RFX1: variants seen among roughly 807,000 people sequenced by gnomAD.
RFX1 encodes MHC class II regulatory factor RFX1.
RFX1 carries 42 observed loss-of-function variants against 119.6 expected under a neutral mutation model. The ratio of observed to expected loss-of-function variants is 0.35; its 90% confidence interval spans 0.27 to 0.45. The LOEUF is 0.45. Ranked by LOEUF, RFX1 falls within the 20% of genes least tolerant of loss-of-function variation. The pLI is 1.00. For missense variants in RFX1, 1,118 were observed against 1,368.1 expected (o/e 0.82, Z 2.88); for synonymous variants, 628 against 618.5 (o/e 1.02, Z -0.23).
In RFX1 at chr19:13,980,795, C is replaced by T; in HGVS notation, c.622-106G>A. The T allele has an allele frequency of 1.5e-6, 1 of 645,686 alleles. No homozygotes were observed. 40.0% of individuals were successfully genotyped at this position (645,686 alleles called of 1,614,324 possible). A position where few individuals can be genotyped will look rare whatever the true frequency, so the allele number is the denominator to read the frequency against. ...CAGGAGAGCTGTCTGGGGAGGGCGG[C>T]AGTCTGTGGGGACCTATCCCAACCA... On this transcript the variant is annotated intron_variant, in intron 5 of 20. Transcript: ENST00000254325. The surrounding 1 kb of genome is among the most constrained non-coding windows in gnomAD (Gnocchi z 5.1).
intron 8 of RFX1, among the ~76,000 whole-genome samples, chr19:13,974,226 G>A (rs1974181674): frequency 6.6e-6 from 1 of 152,146 alleles, no homozygotes; most frequent in Non-Finnish European, 1.5e-5. Flanking sequence ...TAGAGAAGGC[G>A]ATGCTGTGAT....
At chr19:13,995,984 GA>G (rs1355759784) in intron 1 of RFX1, among the ~76,000 whole-genome samples, 1 of 151,956 alleles carries the variant, frequency 6.6e-6, no homozygotes, top group Non-Finnish European at 1.5e-5. Context: ...GCTGTGAGCC[GA>G]GATTGTTCCA....
chr19:13,982,899 C>G (rs1974472639), intron 4 of RFX1: 1 of 468,476 alleles, frequency 2.1e-6, no homozygotes, highest in Admixed American at 3.9e-5. Flanking sequence ...TAAACCTGGC[C>G]TTGGGTTCTC....
intron 8 of RFX1, among the ~76,000 whole-genome samples, 169 bp downstream of exon 8, chr19:13,977,823 T>G (rs1207163297): frequency 6.6e-6 from 1 of 152,140 alleles, no homozygotes; most frequent in African/African-American, 2.4e-5. Context: ...TTCGCCACTT[T>G]TCGTGGCTGT....
intron 9 of RFX1, among the ~76,000 whole-genome samples, chr19:13,970,661 CAAAAAAAAAAAA>C (rs1167910642): frequency 0.11 from 2,847 of 25,616 alleles, 47 homozygotes; most frequent in Middle Eastern, 0.17. Flanking sequence ...GACCTTGTCT[CAAAAAAAAAAAA>C]AAAAAAAAAA....
At position 13,978,022 on chromosome 19, in the gene RFX1, C is replaced by T; in HGVS notation, c.899G>A (p.Gly300Asp). The stretch of plus-strand genomic sequence containing the variant: ...ACTGGCCGTGTAGCTGGCATCGCCG[C>T]CCTCCACATACTGCACCTGGCTGGA... ...VYSSQVQYVE[G>D]GDASYTASAI... The change falls in exon 8 of 21, where the codon GGC becomes GAC. Residue 300 changes from glycine (G) to aspartate (D), a missense_variant. Around this residue, in one of 5 missense-constraint regions of RFX1, gnomAD observed 542 missense variants for 602.7 expected, o/e 0.90. Transcript: ENST00000254325. The T allele has an allele frequency of 6.2e-7, 1 of 1,613,630 alleles. No individual in the cohort carries two copies. The highest frequency in any genetic ancestry group is 8.5e-7 in the Non-Finnish European group (1 of 1,179,812).
At position 13,963,561 on chromosome 19, in the gene RFX1, G is replaced by A. The variant is rs754817915; in HGVS notation, c.2547C>T (p.Phe849=). ...ACCTGTAGAAGGACCACTTGAGGAG[G>A]AAGAGCTTGGCGGCCTTGGGGAAGC... The part of the protein sequence containing the change: ...SAGFPKAAKL[F]LLKWSFYSSM... The change falls in exon 18 of 21, where the codon TTC becomes TTT. Residue 849 remains phenylalanine, a synonymous_variant. Coordinates refer to ENST00000254325, the MANE Select transcript of RFX1 (RefSeq NM_002918.5). 9 of 1,605,144 alleles carry A rather than the reference G, an allele frequency of 5.6e-6. No homozygotes were observed. The Admixed American group carries it at 1.3e-4, about 24-fold the overall frequency.
intron 1 of RFX1, among the ~76,000 whole-genome samples, chr19:13,994,921 T>C (rs192657581): frequency 1.2e-4 from 14 of 114,216 alleles, no homozygotes; most frequent in African/African-American, 4.7e-4. Flanking sequence ...TATATATATA[T>C]ATATATATAT....
intron 8 of RFX1, among the ~76,000 whole-genome samples, chr19:13,977,451 C>G (rs1266260050): frequency 6.6e-6 from 1 of 151,484 alleles, no homozygotes; most frequent in African/African-American, 2.4e-5. Flanking sequence ...GAGTGTCACT[C>G]TATTGCCCAG....
chr19:13,963,323 C>T (rs772085139), intron 18 of RFX1, 48 bp from the exon 19 acceptor site: 4 of 1,557,336 alleles, frequency 2.6e-6, no homozygotes, highest in Non-Finnish European at 3.5e-6. Context: ...TCCGGCCCGA[C>T]CCCCTCTCCC....
In RFX1 at chr19:13,971,792, G is replaced by A. The variant is rs549350070; in HGVS notation, c.1314+951C>T. Among the ~76,000 whole-genome samples, 590 of 152,098 alleles carry A rather than the reference G, an allele frequency of 3.9e-3. 5 individuals carry two copies. The highest frequency in any genetic ancestry group is 0.011 in the African/African-American group (448 of 41,496). On this transcript the variant is annotated intron_variant, in intron 9 of 20. Transcript: ENST00000254325. ...TGGGAGGCCGAGGAGGGTGGATCAC[G>A]AGGTCAGGAAATCGAGACCATCCTG... is the stretch of plus-strand genomic sequence containing the variant.
At chr19:13,970,661 C>CA (rs1167910642) in intron 9 of RFX1, among the ~76,000 whole-genome samples, 5,737 of 25,782 alleles carry the variant, frequency 0.22, 2,262 homozygotes, top group Non-Finnish European at 0.29. Context: ...GACCTTGTCT[C>CA]AAAAAAAAAA....
At chr19:13,994,120 G>A (rs552585642) in intron 1 of RFX1, among the ~76,000 whole-genome samples, 7 of 151,980 alleles carry the variant, frequency 4.6e-5, no homozygotes, top group African/African-American at 9.7e-5. Context: ...GCCCCACTCC[G>A]CACCCCCACT....
In RFX1 at chr19:13,966,767, G is replaced by GA. The variant is rs772645089; in HGVS notation, c.1733-17dup. The GA allele has an allele frequency of 6.4e-7, 1 of 1,552,778 alleles. No individual in the cohort carries two copies. The highest frequency in any genetic ancestry group is 1.1e-5 in the South Asian group (1 of 88,178). Reference sequence around the variant, plus strand: ...CGAGAGGCATCTAGGGGGCCGGGGGGAACCGTGAGGCCCTTCATCCCCCTT... The same window carrying GA: ...CGAGAGGCATCTAGGGGGCCGGGGGGAAACCGTGAGGCCCTTCATCCCCCTT... On this transcript the variant is annotated splice_polypyrimidine_tract_variant and intron_variant, in intron 12 of 20. Transcript: ENST00000254325. The surrounding 1 kb of genome is among the most constrained non-coding windows in gnomAD (Gnocchi z 6.3).
chr19:13,980,476 C>T lies in RFX1; in HGVS notation c.738+97G>A. The T allele has an allele frequency of 1.4e-6, 1 of 720,478 alleles. No individual in the cohort carries two copies. Among genetic ancestry groups the T allele is most frequent in the Non-Finnish European group, 2.3e-6 (1 of 435,906 alleles). The allele number at this position is 720,478 out of a possible 1,614,324, so 44.6% of individuals were successfully genotyped here. On this transcript the variant is annotated intron_variant, in intron 6 of 20. Transcript: ENST00000254325. This position sits in a 1 kb window ranked among gnomAD's most constrained non-coding sequence, Gnocchi z 5.1. ...CAGGCTGGGGCTGGACCCACATGGG[C>T]TGGGCTCTAATAGGCCAGAGGCACA...
chr19:13,964,572 C>T (rs778230313), intron 16 of RFX1, among the ~76,000 whole-genome samples: 1 of 152,108 alleles, frequency 6.6e-6, no homozygotes, highest in Non-Finnish European at 1.5e-5. Flanking sequence ...TCCTCCGCCT[C>T]GTGGGTTCAA....
Position 13,969,981 on chromosome 19 carries a change from C to T in RFX1, c.1496+13G>A, listed in dbSNP as rs375821885. 51 of 1,596,370 alleles carry T rather than the reference C, an allele frequency of 3.2e-5. No homozygotes were observed. The highest frequency in any genetic ancestry group is 1.8e-4 in the Middle Eastern group (1 of 5,468). ...TTCCCCAGGGACTGCTGGGAGTAGA[C>T]GGATGGCCCTACCTGGTGCCCAGAC... On this transcript the variant is annotated intron_variant, in intron 10 of 20. Coordinates refer to ENST00000254325, the MANE Select transcript of RFX1 (RefSeq NM_002918.5). This position sits in a 1 kb window ranked among gnomAD's most constrained non-coding sequence, Gnocchi z 4.5.
chr19:13,981,830 C>T (rs1400634381), intron 5 of RFX1, among the ~76,000 whole-genome samples: 1 of 152,238 alleles, frequency 6.6e-6, no homozygotes, highest in East Asian at 1.9e-4. Flanking sequence ...GAATGCAGTT[C>T]CCTGAGCTGG....
chr19:13,999,402 T>C (rs954100854), intron 1 of RFX1, among the ~76,000 whole-genome samples: 3 of 152,356 alleles, frequency 2.0e-5, no homozygotes, highest in Non-Finnish European at 4.4e-5. Flanking sequence ...GTAAACGTTA[T>C]TAGTTTTGTG....
Sources: gnomAD v4.1 joint callset for allele counts (sites outside exome capture counted in the v4.1 genomes callset) on GRCh38, gnomAD v4.1.1 for gene constraint, gnomAD v4.1.1 regional missense constraint, Gnocchi (gnomAD v3.1) non-coding constraint, MANE v1.5 for transcripts, NCBI Gene and HGNC (gene_info 2026-07-23, HGNC 2026-07-21) for gene names.